Variants in CAST observed in about 807,000 individuals in gnomAD.
CAST encodes MIR583 host.
Under a neutral mutation model 119.6 loss-of-function variants are expected in CAST, and 76 were observed. The ratio of observed to expected loss-of-function variants is 0.64; its 90% confidence interval spans 0.53 to 0.77. The LOEUF (loss-of-function observed/expected upper bound fraction) is 0.77. CAST is among the 30% of genes least tolerant of loss of function. CAST has a pLI of 0.00. For missense variants in CAST, 953 were observed against 946.5 expected (o/e 1.01, Z -0.09); for synonymous variants, 319 against 331.6 (o/e 0.96, Z 0.41).
chr5:95,973,264 G>T, the CAST span: 1 of 178,648 alleles, frequency 5.6e-6, no homozygotes, highest in Non-Finnish European at 1.2e-5. Context: ...GAACTGTGTT[G>T]GTTTCAGAGT....
At chr5:96,771,910 A>ATT (rs1772522658) in intron 31 of CAST, 1 of 395,702 alleles carries the variant, frequency 2.5e-6, no homozygotes, top group Admixed American at 4.4e-5. Flanking sequence ...ATGTTTAAAA[A>ATT]CCTTAATCTT....
intron 1 of CAST, among the ~76,000 whole-genome samples, chr5:96,638,945 C>T (rs1257344899): frequency 6.6e-6 from 1 of 152,206 alleles, no homozygotes; most frequent in Non-Finnish European, 1.5e-5. Context: ...AGAGAGACAG[C>T]CTGCCTCAGA....
chr5:96,506,424 A>G, the CAST span, among the ~76,000 whole-genome samples: 1 of 152,264 alleles, frequency 6.6e-6, no homozygotes, highest in Non-Finnish European at 1.5e-5. Flanking sequence ...CTATAAGAGT[A>G]TTAGCAAGAG....
chr5:96,013,112 A>G, the CAST span, among the ~76,000 whole-genome samples: 1 of 152,166 alleles, frequency 6.6e-6, no homozygotes, highest in African/African-American at 2.4e-5. Flanking sequence ...ATCAGGTACC[A>G]TTAAATTACT....
intron 1 of CAST, among the ~76,000 whole-genome samples, chr5:96,643,475 C>T (rs140367887): frequency 1.6e-3 from 244 of 152,228 alleles, no homozygotes; most frequent in African/African-American, 5.5e-3. Flanking sequence ...CTGTGGCTCA[C>T]GCCTGTAATC....
At chr5:96,655,820 C>G (rs1748150793) in intron 1 of CAST, among the ~76,000 whole-genome samples, 1 of 152,180 alleles carries the variant, frequency 6.6e-6, no homozygotes, top group Admixed American at 6.5e-5. Context: ...TTAACATTCT[C>G]AAGAGCCTAT....
intron 2 of CAST, among the ~76,000 whole-genome samples, chr5:96,691,552 G>T (rs1225765771): frequency 6.6e-6 from 1 of 152,216 alleles, no homozygotes; most frequent in Non-Finnish European, 1.5e-5. Flanking sequence ...GCAGAGGTCA[G>T]TCTGTTCCAT....
intron 3 of CAST, among the ~76,000 whole-genome samples, chr5:96,706,903 T>C (rs964701508): frequency 6.6e-6 from 1 of 152,194 alleles, no homozygotes; most frequent in African/African-American, 2.4e-5. Context: ...GTCCTGGGGC[T>C]CTACGCAGTT....
At chr5:96,441,243 G>T in the CAST span, among the ~76,000 whole-genome samples, 1 of 152,286 alleles carries the variant, frequency 6.6e-6, no homozygotes, top group South Asian at 2.1e-4. Flanking sequence ...TGATTTCAAA[G>T]TGTAAAACTG....
the CAST span, among the ~76,000 whole-genome samples, chr5:96,041,474 G>A: frequency 6.6e-6 from 1 of 152,122 alleles, no homozygotes; most frequent in South Asian, 2.1e-4. Flanking sequence ...ACAAGTAAAT[G>A]TAGTGTGATA....
intron 1 of CAST, among the ~76,000 whole-genome samples, chr5:96,619,766 C>A (rs890828799): frequency 2.0e-5 from 3 of 150,508 alleles, no homozygotes; most frequent in Non-Finnish European, 2.9e-5. Flanking sequence ...CGCGAGGGTC[C>A]GTGGCTTCAT....
chr5:96,211,522 T>C, the CAST span, among the ~76,000 whole-genome samples: 1 of 152,062 alleles, frequency 6.6e-6, no homozygotes. Flanking sequence ...TTCTCTAAAA[T>C]ATTATTGAAT....
chr5:96,635,795 C>A (rs1747877285), intron 1 of CAST, among the ~76,000 whole-genome samples: 1 of 152,210 alleles, frequency 6.6e-6, no homozygotes, highest in Non-Finnish European at 1.5e-5. Flanking sequence ...CTTAGTTAGA[C>A]AATTGCTTCC....
At chr5:96,048,731 C>T in the CAST span, among the ~76,000 whole-genome samples, 1 of 152,070 alleles carries the variant, frequency 6.6e-6, no homozygotes, top group African/African-American at 2.4e-5. Flanking sequence ...TCTGATACTC[C>T]AGGTGAACAG....
At chr5:96,392,904 A>ACT in the CAST span, 1 of 1,212,600 alleles carries the variant, frequency 8.2e-7, no homozygotes, top group Admixed American at 1.7e-5. Flanking sequence ...TATTATAAGC[A>ACT]TAAGAATTCA....
rs370697528 is a variant in CAST at position 96,595,892 on chromosome 5, G to A, written c.60+66012G>A. ...TGAGAAGTCAAAGTGAGTTGGAGAA[G>A]GGAGAGAAGGCTTCCTGGAGGAGGT... On this transcript the variant is annotated intron_variant, in intron 1 of 11. Coordinates refer to the CAST transcript ENST00000505143. Among the ~76,000 whole-genome samples the A allele has an allele frequency of 2.0e-4, 30 of 152,282 alleles. 1 individual carries two copies. The South Asian group carries it at 6.2e-3, about 32-fold the overall frequency.
At chr5:96,520,699 T>C (rs1159938001), upstream of CAST, among the ~76,000 whole-genome samples, 1 of 152,332 alleles carries the variant, frequency 6.6e-6, no homozygotes, top group African/African-American at 2.4e-5. Flanking sequence ...CAAATCTCTT[T>C]TACTGAATAA....
At chr5:96,126,793 G>T in the CAST span, among the ~76,000 whole-genome samples, 1 of 152,054 alleles carries the variant, frequency 6.6e-6, no homozygotes, top group Non-Finnish European at 1.5e-5. Context: ...TTATGCAGAA[G>T]ATATTATTTT....
chr5:96,429,264 C>A, the CAST span: 7 of 1,604,806 alleles, frequency 4.4e-6, no homozygotes, highest in African/African-American at 5.4e-5. Context: ...TCCTTCGAGA[C>A]CTTCTGGGGT....
Sources: gnomAD v4.1 joint callset for allele counts (sites outside exome capture counted in the v4.1 genomes callset) on GRCh38, gnomAD v4.1.1 for gene constraint, MANE v1.5 for transcripts, NCBI Gene and HGNC (gene_info 2026-07-23, HGNC 2026-07-21) for gene names.